PRKCH: variants seen among roughly 807,000 people sequenced by gnomAD.
The protein encoded by PRKCH is protein kinase C eta, also known as protein kinase C eta type.
Under a neutral mutation model 82.5 loss-of-function variants are expected in PRKCH, and 28 were observed. The observed-to-expected ratio is 0.34, with a 90% CI of 0.25 to 0.47. The LOEUF is 0.47. Among genes scored for constraint, PRKCH ranks in the 20% least tolerant of loss-of-function variants. The probability of loss-of-function intolerance (pLI) is 1.00; values close to 1 mark genes in which losing one functional copy is unlikely to be tolerated. For missense variants in PRKCH, 705 were observed against 881.8 expected (o/e 0.80, Z 2.54); for synonymous variants, 322 against 327.4 (o/e 0.98, Z 0.18).
chr14:61,216,509 A>G (rs2044617526), intron 1 of PRKCH, among the ~76,000 whole-genome samples: 1 of 152,116 alleles, frequency 6.6e-6, no homozygotes, highest in African/African-American at 2.4e-5. Context: ...AAAAACCAGA[A>G]AAGTCAAAGG....
At chr14:61,277,174 C>A (rs1040708420) in intron 1 of PRKCH, among the ~76,000 whole-genome samples, 6 of 151,990 alleles carry the variant, frequency 3.9e-5, no homozygotes, top group Admixed American at 3.9e-4. Flanking sequence ...AGCACTCCGG[C>A]CTGGGCAACA....
upstream of PRKCH, among the ~76,000 whole-genome samples, chr14:61,319,157 A>G (rs550696051): frequency 1.3e-5 from 2 of 151,838 alleles, no homozygotes; most frequent in East Asian, 3.9e-4. Context: ...CTCTCCCCTC[A>G]CCTTCCTCAG....
intron 9 of PRKCH, among the ~76,000 whole-genome samples, chr14:61,478,103 T>C (rs1885810458): frequency 6.6e-6 from 1 of 152,218 alleles, no homozygotes; most frequent in Admixed American, 6.5e-5. Context: ...GAAGCTGCAG[T>C]GGATGCACTC....
At chr14:61,490,102 G>A (rs1304526145) in intron 10 of PRKCH, among the ~76,000 whole-genome samples, 1 of 152,168 alleles carries the variant, frequency 6.6e-6, no homozygotes, top group Non-Finnish European at 1.5e-5. Context: ...TGTGCCTTAT[G>A]CAGCTGTTGG....
chr14:61,397,972 G>A (rs1399851693), intron 2 of PRKCH, among the ~76,000 whole-genome samples: 2 of 152,264 alleles, frequency 1.3e-5, no homozygotes, highest in East Asian at 3.9e-4. Flanking sequence ...AGAGCTCAAG[G>A]CGTATAAAAT....
At chr14:61,427,880 C>T (rs775486509) in intron 2 of PRKCH, among the ~76,000 whole-genome samples, 3 of 151,952 alleles carry the variant, frequency 2.0e-5, no homozygotes, top group Non-Finnish European at 4.4e-5. Flanking sequence ...GCCACTTCAC[C>T]CAGCTGTTAC....
chr14:61,244,972 A>G (rs2044867759), intron 1 of PRKCH, among the ~76,000 whole-genome samples: 1 of 152,232 alleles, frequency 6.6e-6, no homozygotes, highest in Non-Finnish European at 1.5e-5. Flanking sequence ...TAAACACAAA[A>G]GCAAAACTTT....
At position 61,280,734 on chromosome 14, in the gene PRKCH, G is replaced by C. The variant is rs2045252789; in HGVS notation, c.-19+93066G>C. The C allele has an allele frequency of 6.4e-7, 1 of 1,574,596 alleles. No individual in the cohort carries two copies. The highest frequency in any genetic ancestry group is 8.6e-7 in the Non-Finnish European group (1 of 1,165,654). On this transcript the variant is annotated intron_variant, in intron 1 of 3. Coordinates refer to the PRKCH transcript ENST00000555185. This position sits in a 1 kb window ranked among gnomAD's most constrained non-coding sequence, Gnocchi z 5.0. The stretch of plus-strand genomic sequence containing the variant: ...ACTCGTTGACAGGGTGGCGCAGCGC[G>C]CTGGGGAGTCCGCTCAGCTGCGCGT...
chr14:61,535,666 A>G (rs982356501), intron 12 of PRKCH, among the ~76,000 whole-genome samples: 7 of 152,268 alleles, frequency 4.6e-5, no homozygotes, highest in African/African-American at 7.2e-5. Context: ...TGAAGTGCCA[A>G]CGTAAGTCTT....
At chr14:61,192,538 C>T (rs753940959) in intron 1 of PRKCH, among the ~76,000 whole-genome samples, 17 of 152,112 alleles carry the variant, frequency 1.1e-4, no homozygotes, top group South Asian at 4.1e-4. Context: ...TCACCAAAGT[C>T]GGTTATCAGG....
chr14:61,498,252 G>A (rs1214169375), intron 10 of PRKCH, among the ~76,000 whole-genome samples: 4 of 152,104 alleles, frequency 2.6e-5, no homozygotes, highest in African/African-American at 9.7e-5. Context: ...GACCTCAAGT[G>A]ATCCCCTACC....
chr14:61,410,846 C>T (rs776062384), intron 2 of PRKCH, among the ~76,000 whole-genome samples: 28 of 152,244 alleles, frequency 1.8e-4, no homozygotes, highest in Non-Finnish European at 3.7e-4. Context: ...CCACTATCAA[C>T]ACTGACCAGT....
At chr14:61,270,021 G>A (rs1476754022) in intron 1 of PRKCH, among the ~76,000 whole-genome samples, 1 of 152,218 alleles carries the variant, frequency 6.6e-6, no homozygotes, top group Non-Finnish European at 1.5e-5. Context: ...ATGCAAAGGG[G>A]CTGGCACTGA....
rs1268198546 is a variant in PRKCH, at chr14:61,280,603, G to A, written c.-19+92935G>A. The A allele has an allele frequency of 9.5e-6, 15 of 1,586,930 alleles. No homozygotes were observed. Among genetic ancestry groups the A allele is most frequent in the Non-Finnish European group, 1.2e-5 (14 of 1,166,882 alleles). On this transcript the variant is annotated intron_variant, in intron 1 of 3. Transcript: ENST00000555185. The surrounding 1 kb of genome is among the most constrained non-coding windows in gnomAD (Gnocchi z 5.0). ...CGGCACCTCGACGTAGGGCCCGCCGGGCTGGCGCTGGTGCCAAAGCGAGAA... is the reference window on the plus strand; with the variant it reads ...CGGCACCTCGACGTAGGGCCCGCCGAGCTGGCGCTGGTGCCAAAGCGAGAA...
At chr14:61,354,431 T>C (rs1423999385) in intron 1 of PRKCH, among the ~76,000 whole-genome samples, 1 of 151,322 alleles carries the variant, frequency 6.6e-6, no homozygotes, top group East Asian at 1.9e-4. Flanking sequence ...TGTGTGTGTG[T>C]GTGTGTGTTA....
chr14:61,249,543 A>T (rs1406478554), intron 1 of PRKCH, among the ~76,000 whole-genome samples: 1 of 150,628 alleles, frequency 6.6e-6, no homozygotes, highest in African/African-American at 2.4e-5. Flanking sequence ...AAAAAAGGGA[A>T]GTGTTGACAT....
At position 61,296,412 on chromosome 14, in the gene PRKCH, C is replaced by T. The variant is rs1266545465; in HGVS notation, c.-19+108744C>T. 2.0e-5 allele frequency among the ~76,000 whole-genome samples: 3 copies of T among 152,298 alleles called. No homozygotes were observed. In the East Asian group the frequency reaches 5.8e-4, roughly 29 times the overall value. On this transcript the variant is annotated intron_variant, in intron 1 of 3. Transcript: ENST00000555185. Reference sequence around the variant, plus strand: ...GTGCTGTACCACTTCCACACTTATGCCCCCAGAGTTGGGTGGCAGTGTGAG... The same window carrying T: ...GTGCTGTACCACTTCCACACTTATGTCCCCAGAGTTGGGTGGCAGTGTGAG...
chr14:61,296,221 T>C (rs1472002633), intron 1 of PRKCH, among the ~76,000 whole-genome samples: 2 of 152,198 alleles, frequency 1.3e-5, no homozygotes, highest in African/African-American at 2.4e-5. Context: ...CAATTTTGTA[T>C]AGAATATGGT....
chr14:61,207,298 G>A (rs2044534572), intron 1 of PRKCH, among the ~76,000 whole-genome samples: 1 of 152,012 alleles, frequency 6.6e-6, no homozygotes, highest in Admixed American at 6.6e-5. Context: ...GTGGAACCCT[G>A]TCCCTGTCCA....
Sources: gnomAD v4.1 joint callset for allele counts (sites outside exome capture counted in the v4.1 genomes callset) on GRCh38, gnomAD v4.1.1 for gene constraint, Gnocchi (gnomAD v3.1) non-coding constraint, MANE v1.5 for transcripts, NCBI Gene and HGNC (gene_info 2026-07-23, HGNC 2026-07-21) for gene names.